Variants in WWOX observed in about 807,000 individuals in gnomAD.
WWOX encodes WW domain containing oxidoreductase, also known as WW domain-containing oxidoreductase.
In WWOX, 69 loss-of-function variants were observed where a neutral mutation model predicts 46.2. That is an observed-to-expected ratio of 1.49 (90% CI 1.23 to 1.82). The LOEUF (loss-of-function observed/expected upper bound fraction) is 1.82. Ranked by LOEUF, WWOX falls within the 40% of genes most tolerant of loss-of-function variation. The pLI, the probability that WWOX is intolerant of heterozygous loss-of-function variation, is 0.00. For synonymous variants in WWOX, 359 were observed against 202.6 expected, an observed-to-expected ratio of 1.77 and a Z score of -6.56; for missense variants, 919 against 542.6, an observed-to-expected ratio of 1.69 and a Z score of -6.89.
At chr16:78,282,165 A>G (rs2079690222) in intron 5 of WWOX, among the ~76,000 whole-genome samples, 1 of 152,148 alleles carries the variant, frequency 6.6e-6, no homozygotes, top group East Asian at 1.9e-4. Flanking sequence ...CTGCTTCTCC[A>G]CGGAGTCTGA....
At chr16:78,726,738 C>G (rs976841940) in intron 8 of WWOX, among the ~76,000 whole-genome samples, 3 of 148,482 alleles carry the variant, frequency 2.0e-5, no homozygotes, top group Non-Finnish European at 4.5e-5. Context: ...TTTTTTTTTG[C>G]CAGGGGATGC....
At position 78,631,293 on chromosome 16, in the gene WWOX, G is replaced by A. The variant is rs373696674; in HGVS notation, c.1056+198541G>A. 4.6e-5 allele frequency among the ~76,000 whole-genome samples: 7 copies of A among 152,202 alleles called. No homozygotes were observed. The South Asian group carries it at 6.2e-4, about 14-fold the overall frequency. On this transcript the variant is annotated intron_variant, in intron 8 of 8. Coordinates refer to ENST00000566780, the MANE Select transcript of WWOX (RefSeq NM_016373.4). ...TCACCCAAGATTCTCCGTGGCTTGTGTCAAGGCCTCACCACATCAGAATAT... is the reference window on the plus strand; with the variant it reads ...TCACCCAAGATTCTCCGTGGCTTGTATCAAGGCCTCACCACATCAGAATAT...
intron 5 of WWOX, among the ~76,000 whole-genome samples, chr16:78,210,102 C>G (rs2036511329): frequency 6.6e-6 from 1 of 152,094 alleles, no homozygotes; most frequent in South Asian, 2.1e-4. Context: ...GTTCCAGACG[C>G]CGAGCTTCAT....
intron 6 of WWOX, among the ~76,000 whole-genome samples, chr16:78,409,121 CA>C (rs1246451254): frequency 1.3e-5 from 2 of 151,834 alleles, no homozygotes; most frequent in Non-Finnish European, 1.5e-5. Flanking sequence ...AGATTATTCA[CA>C]GATGTATACA....
At chr16:78,908,302 G>T (rs1188958988) in intron 8 of WWOX, among the ~76,000 whole-genome samples, 1 of 152,110 alleles carries the variant, frequency 6.6e-6, no homozygotes, top group Non-Finnish European at 1.5e-5. Flanking sequence ...CATTTTGGGA[G>T]GCCAAGGAGG....
intron 8 of WWOX, among the ~76,000 whole-genome samples, chr16:78,573,676 C>A (rs180766187): frequency 2.6e-5 from 4 of 152,168 alleles, no homozygotes; most frequent in African/African-American, 9.7e-5. Context: ...CTGTAGACAG[C>A]CATAAGATGG....
chr16:78,837,203 C>G (rs1441173231), intron 8 of WWOX, among the ~76,000 whole-genome samples: 2 of 152,170 alleles, frequency 1.3e-5, no homozygotes, highest in Non-Finnish European at 2.9e-5. Context: ...AACTGCTAGG[C>G]TGAACCAGAA....
At chr16:79,026,806 T>A (rs2047653306) in intron 8 of WWOX, among the ~76,000 whole-genome samples, 1 of 144,804 alleles carries the variant, frequency 6.9e-6, no homozygotes, top group Non-Finnish European at 1.5e-5. Flanking sequence ...TTTTTTGGTA[T>A]TTTTAATAGA....
intron 8 of WWOX, among the ~76,000 whole-genome samples, chr16:78,740,425 G>A (rs1304371745): frequency 6.6e-6 from 1 of 152,160 alleles, no homozygotes; most frequent in South Asian, 2.1e-4. Context: ...CTTTGGCTTG[G>A]ACCTTTGGAC....
At chr16:78,718,996 G>A (rs1409586523) in intron 8 of WWOX, among the ~76,000 whole-genome samples, 2 of 152,098 alleles carry the variant, frequency 1.3e-5, no homozygotes, top group African/African-American at 4.8e-5. Context: ...TAAGATCCCA[G>A]GCACTCTTGG....
chr16:78,902,644 G>C (rs1876974), intron 8 of WWOX, among the ~76,000 whole-genome samples: 150,692 of 152,350 alleles, frequency 0.99, 74,536 homozygotes, highest in Middle Eastern at 1. Flanking sequence ...TTTACCATGG[G>C]TAAACCATTA....
chr16:78,608,996 T>C (rs980655281), intron 8 of WWOX, among the ~76,000 whole-genome samples: 1 of 152,002 alleles, frequency 6.6e-6, no homozygotes, highest in African/African-American at 2.4e-5. Flanking sequence ...GGAGCATATT[T>C]GATTCTTCAT....
chr16:78,829,303 G>A (rs974669964), intron 8 of WWOX, among the ~76,000 whole-genome samples: 4 of 152,328 alleles, frequency 2.6e-5, no homozygotes, highest in Middle Eastern at 3.4e-3. Flanking sequence ...TCCAAAGGCA[G>A]AAGACAAGCA....
intron 8 of WWOX, among the ~76,000 whole-genome samples, chr16:78,580,358 G>A (rs747308077): frequency 6.6e-6 from 1 of 152,200 alleles, no homozygotes; most frequent in Non-Finnish European, 1.5e-5. Flanking sequence ...TCCGGTGTGA[G>A]CCACTGCACC....
chr16:79,131,956 C>G (rs780577988), intron 8 of WWOX, among the ~76,000 whole-genome samples: 1 of 152,030 alleles, frequency 6.6e-6, no homozygotes, highest in Non-Finnish European at 1.5e-5. Flanking sequence ...TCAGATCTCA[C>G]GAGACTTATT....
chr16:78,935,965 A>G (rs2045728948), intron 8 of WWOX, among the ~76,000 whole-genome samples: 1 of 152,108 alleles, frequency 6.6e-6, no homozygotes, highest in Non-Finnish European at 1.5e-5. Context: ...TTCCAAAAAA[A>G]AAGTTGGAAG....
At chr16:78,432,454 T>C (rs377055690) in intron 7 of WWOX, 34 bp from the exon 8 acceptor site, 1 of 1,611,772 alleles carries the variant, frequency 6.2e-7, no homozygotes, top group Non-Finnish European at 8.5e-7. Flanking sequence ...AAGTCAGAAC[T>C]TGGTTGCTTC....
chr16:78,220,215 G>T (rs1259582627), intron 5 of WWOX, among the ~76,000 whole-genome samples: 1 of 152,094 alleles, frequency 6.6e-6, no homozygotes, highest in Non-Finnish European at 1.5e-5. Context: ...CGTTTCTTTG[G>T]CCTCCCATGT....
intron 8 of WWOX, among the ~76,000 whole-genome samples, chr16:78,968,175 C>G (rs2046401036): frequency 6.6e-6 from 1 of 151,734 alleles, no homozygotes; most frequent in Non-Finnish European, 1.5e-5. Flanking sequence ...AGCGCGTGGT[C>G]TGCGTGGCAC....
Sources: allele counts gnomAD v4.1 joint callset (sites outside exome capture counted in the v4.1 genomes callset), GRCh38; gene constraint gnomAD v4.1.1; transcripts MANE v1.5; gene names NCBI Gene and HGNC (gene_info 2026-07-23, HGNC 2026-07-21).